The following SPOCK3 variants were observed in gnomAD, a reference collection of about 807,000 sequenced individuals.
SPOCK3 encodes testican-3.
Under a neutral mutation model 56.6 loss-of-function variants are expected in SPOCK3, and 30 were observed. The observed-to-expected ratio is 0.53, with a 90% CI of 0.40 to 0.72. The LOEUF (loss-of-function observed/expected upper bound fraction) is 0.72, where lower values mean the gene tolerates loss of function less well. Among genes scored for constraint, SPOCK3 ranks in the 30% least tolerant of loss-of-function variants. The probability of loss-of-function intolerance (pLI) is 0.00; values close to 1 mark genes in which losing one functional copy is unlikely to be tolerated. For synonymous variants in SPOCK3, 196 were observed against 183.3 expected (o/e 1.07, Z -0.56); for missense variants, 527 against 530.0 (o/e 0.99, Z 0.06).
intron 6 of SPOCK3, among the ~76,000 whole-genome samples, chr4:166,825,508 C>T (rs1745366039): frequency 6.6e-6 from 1 of 152,012 alleles, no homozygotes; most frequent in African/African-American, 2.4e-5. Context: ...AGTAAAACTA[C>T]CAGTCAATCT....
At chr4:167,173,316 CAATA>C (rs539028380) in intron 2 of SPOCK3, among the ~76,000 whole-genome samples, 2 of 152,086 alleles carry the variant, frequency 1.3e-5, no homozygotes, top group Non-Finnish European at 2.9e-5. Context: ...TACAGATTCT[CAATA>C]TATATGTAAA....
chr4:167,105,463 T>TAAAAAAAAAAAAAAAAAAAA (rs552028589), intron 2 of SPOCK3, among the ~76,000 whole-genome samples: 3 of 98,690 alleles, frequency 3.0e-5, no homozygotes, highest in Non-Finnish European at 5.9e-5. Context: ...ACACAAAAAT[T>TAAAAAAAAAAAAAAAAAAAA]AAAAAAAAAA....
chr4:166,803,210 G>A (rs182946005), intron 6 of SPOCK3, among the ~76,000 whole-genome samples: 8 of 152,172 alleles, frequency 5.3e-5, no homozygotes, highest in East Asian at 3.9e-4. Context: ...TATAAATCAC[G>A]CAGTTTTATT....
chr4:166,887,954 C>T (rs1368358224), intron 6 of SPOCK3, among the ~76,000 whole-genome samples: 1 of 151,558 alleles, frequency 6.6e-6, no homozygotes, highest in Non-Finnish European at 1.5e-5. Context: ...AATGATTGAG[C>T]ACTAATTTAC....
chr4:166,852,017 AATC>A (rs1387283066), intron 6 of SPOCK3, among the ~76,000 whole-genome samples: 2 of 151,368 alleles, frequency 1.3e-5, no homozygotes, highest in Non-Finnish European at 3.0e-5. Context: ...TGAAATTGGA[AATC>A]ATCATTCTCA....
intron 7 of SPOCK3, among the ~76,000 whole-genome samples, chr4:166,755,770 C>T (rs553442214): frequency 3.3e-4 from 50 of 151,590 alleles, no homozygotes; most frequent in African/African-American, 1.2e-3. Context: ...GATTTTGTAG[C>T]TAATTTTATG....
intron 5 of SPOCK3, among the ~76,000 whole-genome samples, chr4:166,900,988 G>A (rs1336901866): frequency 1.3e-5 from 2 of 152,136 alleles, no homozygotes; most frequent in Non-Finnish European, 2.9e-5. Context: ...GTCCTTGTAT[G>A]TCTCTCAAAG....
chr4:167,196,908 C>T (rs779950871), intron 2 of SPOCK3, among the ~76,000 whole-genome samples: 1 of 152,108 alleles, frequency 6.6e-6, no homozygotes, highest in Non-Finnish European at 1.5e-5. Flanking sequence ...ATGGCATTAT[C>T]ATAGTATATA....
At chr4:166,871,044 A>C (rs1732413621) in intron 6 of SPOCK3, among the ~76,000 whole-genome samples, 1 of 152,090 alleles carries the variant, frequency 6.6e-6, no homozygotes, top group East Asian at 1.9e-4. Flanking sequence ...CTCCCCAGCC[A>C]TGTGGAATCG....
chr4:167,031,355 C>T (rs1580061612), intron 3 of SPOCK3, among the ~76,000 whole-genome samples: 1 of 152,030 alleles, frequency 6.6e-6, no homozygotes, highest in East Asian at 1.9e-4. Flanking sequence ...AACAAATCTA[C>T]TTGATATTAT....
At chr4:167,110,045 A>G (rs1760769276) in intron 2 of SPOCK3, among the ~76,000 whole-genome samples, 2 of 152,000 alleles carry the variant, frequency 1.3e-5, no homozygotes, top group Admixed American at 1.3e-4. Context: ...TTGCTTGGGT[A>G]AAGCATAATT....
intron 7 of SPOCK3, among the ~76,000 whole-genome samples, chr4:166,765,069 T>G (rs544643389): frequency 6.6e-6 from 1 of 152,272 alleles, no homozygotes; most frequent in African/African-American, 2.4e-5. Flanking sequence ...GTTTGAGTTC[T>G]TTGTAGATTC....
intron 4 of SPOCK3, among the ~76,000 whole-genome samples, chr4:166,919,179 C>T (rs1279125152): frequency 3.3e-5 from 5 of 152,188 alleles, no homozygotes; most frequent in African/African-American, 9.6e-5. Context: ...AATAAATTTT[C>T]AATATGAACT....
chr4:167,168,015 T>C (rs1240380137), intron 2 of SPOCK3, among the ~76,000 whole-genome samples: 1 of 152,038 alleles, frequency 6.6e-6, no homozygotes, highest in Non-Finnish European at 1.5e-5. Flanking sequence ...AAATGGGAGT[T>C]CCCCTGCACA....
Position 166,915,354 on chromosome 4 carries a change from T to C in SPOCK3, c.351-2611A>G, listed in dbSNP as rs564985043. Among the ~76,000 whole-genome samples the C allele has an allele frequency of 2.0e-5, 3 of 152,294 alleles. No homozygotes were observed. The South Asian group carries it at 6.2e-4, about 32-fold the overall frequency. On this transcript the variant is annotated intron_variant, in intron 4 of 10. Coordinates refer to ENST00000357545, the MANE Select transcript of SPOCK3 (RefSeq NM_001040159.2). ...AAAAAATGTTTCTTATGATTCATAA[T>C]GTGTTTGGTTTGGCATCAGAGATTG...
chr4:166,866,132 CT>C (rs1383769605), intron 6 of SPOCK3, among the ~76,000 whole-genome samples: 1 of 152,112 alleles, frequency 6.6e-6, no homozygotes, highest in East Asian at 1.9e-4. Context: ...CACCACACAT[CT>C]ACAACCATCT....
At chr4:166,738,450 A>G (rs1734450824) in intron 9 of SPOCK3, among the ~76,000 whole-genome samples, 1 of 149,654 alleles carries the variant, frequency 6.7e-6, no homozygotes, top group Non-Finnish European at 1.5e-5. Flanking sequence ...ATTTAATTTT[A>G]CTCTATGGTT....
chr4:167,045,112 G>A (rs756230446), intron 3 of SPOCK3, among the ~76,000 whole-genome samples: 1 of 152,100 alleles, frequency 6.6e-6, no homozygotes, highest in Non-Finnish European at 1.5e-5. Context: ...GCAAGTTAAA[G>A]ACTATCTTTT....
intron 6 of SPOCK3, among the ~76,000 whole-genome samples, chr4:166,872,521 G>T (rs746695212): frequency 6.6e-6 from 1 of 152,048 alleles, no homozygotes; most frequent in Non-Finnish European, 1.5e-5. Flanking sequence ...TTTTACTCAC[G>T]GTTGCCAAAA....
Sources: allele counts gnomAD v4.1 joint callset (sites outside exome capture counted in the v4.1 genomes callset), GRCh38; gene constraint gnomAD v4.1.1; transcripts MANE v1.5; gene names NCBI Gene and HGNC (gene_info 2026-07-23, HGNC 2026-07-21).